Variants in SRGAP3 observed in about 807,000 individuals in gnomAD.
SRGAP3 encodes SLIT-ROBO Rho GTPase-activating protein 3.
SRGAP3 carries 39 observed loss-of-function variants against 121.1 expected under a neutral mutation model. The ratio of observed to expected loss-of-function variants is 0.32; its 90% CI spans 0.25 to 0.42. The LOEUF (loss-of-function observed/expected upper bound fraction) is 0.42. Ranked by LOEUF, SRGAP3 falls within the 10% of genes least tolerant of loss-of-function variation. SRGAP3 has a pLI of 1.00. For missense variants in SRGAP3, 1,213 were observed against 1,470.6 expected (o/e 0.82, Z 2.86); for synonymous variants, 601 against 570.0 (o/e 1.05, Z -0.77).
intron 3 of SRGAP3, among the ~76,000 whole-genome samples, chr3:9,099,301 C>A (rs1948114047): frequency 6.6e-6 from 1 of 152,234 alleles, no homozygotes; most frequent in Non-Finnish European, 1.5e-5. Context: ...CTCATTAGTG[C>A]TTCCTCCCAA....
chr3:9,185,038 C>G (rs1285772579), intron 1 of SRGAP3, among the ~76,000 whole-genome samples: 1 of 152,132 alleles, frequency 6.6e-6, no homozygotes, highest in Non-Finnish European at 1.5e-5. Flanking sequence ...CCAGCCTGGC[C>G]AACATGGTGA....
At chr3:9,273,085 T>G (rs1954510460) in intron 3 of SRGAP3, among the ~76,000 whole-genome samples, 1 of 152,196 alleles carries the variant, frequency 6.6e-6, no homozygotes, top group African/African-American at 2.4e-5. Context: ...GGTTTTGGGA[T>G]TAAACTGTTC....
chr3:9,285,732 A>G (rs73122702), intron 3 of SRGAP3, among the ~76,000 whole-genome samples: 9,973 of 151,596 alleles, frequency 0.066, 1,090 homozygotes, highest in African/African-American at 0.22. Flanking sequence ...GGAGTTATTC[A>G]AAGTCCAGCC....
chr3:9,016,034 T>G (rs551716005), intron 14 of SRGAP3: 18 of 420,432 alleles, frequency 4.3e-5, no homozygotes, highest in African/African-American at 2.8e-4. Flanking sequence ...TTATTGTTGC[T>G]CCACTATTTG....
intron 2 of SRGAP3, among the ~76,000 whole-genome samples, chr3:9,110,937 G>A (rs922779892): frequency 7.2e-5 from 11 of 152,256 alleles, no homozygotes; most frequent in East Asian, 1.9e-4. Flanking sequence ...GTTCACCGGC[G>A]TCTGCCATGC....
At chr3:9,299,515 T>G (rs1955012821) in intron 3 of SRGAP3, among the ~76,000 whole-genome samples, 2 of 152,212 alleles carry the variant, frequency 1.3e-5, no homozygotes, top group South Asian at 2.1e-4. Context: ...CACAGAATCA[T>G]GAGCTATCAT....
At chr3:9,166,475 T>C (rs1288961064) in intron 1 of SRGAP3, among the ~76,000 whole-genome samples, 1 of 152,112 alleles carries the variant, frequency 6.6e-6, no homozygotes, top group Non-Finnish European at 1.5e-5. Context: ...AGGATGCCCA[T>C]GTGACTAAGA....
At chr3:9,206,087 A>G (rs774405858) in intron 1 of SRGAP3, among the ~76,000 whole-genome samples, 1 of 152,232 alleles carries the variant, frequency 6.6e-6, no homozygotes, top group Non-Finnish European at 1.5e-5. Context: ...ACTCAATCCC[A>G]ATGAACATAC....
chr3:9,068,067 T>C (rs1195715742), intron 4 of SRGAP3, among the ~76,000 whole-genome samples: 2 of 152,182 alleles, frequency 1.3e-5, no homozygotes, highest in South Asian at 2.1e-4. Context: ...CCTGGGTTCT[T>C]TGCCTCACCA....
At position 9,249,590 on chromosome 3, in the gene SRGAP3, C is replaced by A. The variant is rs2125249402; in HGVS notation, c.-639G>T. On this transcript the variant is annotated 5_prime_UTR_variant, in exon 1 of 22. Transcript: ENST00000383836. ...CCAGTGAGGATCAAAGCCAGGAGAGCGAGATGGAAGTTTTCCTGCTGCAAC... is the reference window on the plus strand; with the variant it reads ...CCAGTGAGGATCAAAGCCAGGAGAGAGAGATGGAAGTTTTCCTGCTGCAAC... 4.2e-6 allele frequency: 1 copy of A among 236,514 alleles called. No individual in the cohort carries two copies. The highest frequency in any genetic ancestry group is 6.0e-5 in the East Asian group (1 of 16,618). 14.7% of individuals were successfully genotyped at this position (236,514 alleles called of 1,614,324 possible).
chr3:9,102,145 G>A (rs1354379776), intron 3 of SRGAP3, among the ~76,000 whole-genome samples: 1 of 152,172 alleles, frequency 6.6e-6, no homozygotes, highest in East Asian at 1.9e-4. Flanking sequence ...TCAGACATGG[G>A]GAGTGGTTTC....
chr3:9,234,631 T>A (rs1033315744), intron 1 of SRGAP3, among the ~76,000 whole-genome samples: 1 of 152,100 alleles, frequency 6.6e-6, no homozygotes, highest in African/African-American at 2.4e-5. Context: ...GTCTTTCTAT[T>A]TGACAAATGG....
chr3:9,293,534 T>G (rs1209362371), intron 3 of SRGAP3, among the ~76,000 whole-genome samples: 1 of 151,990 alleles, frequency 6.6e-6, no homozygotes, highest in Non-Finnish European at 1.5e-5. Flanking sequence ...AAAGAAACTA[T>G]CAACAGAGTA....
In SRGAP3 at chr3:9,109,597, C is replaced by A. The variant is rs1264672548; in HGVS notation, c.261-4755G>T. ...TGCAGGAGCAACCAAGGCTGCAAGA[C>A]CCTGCCCTGCAAGTCTTCCACTTGA... On this transcript the variant is annotated intron_variant, in intron 2 of 21. Coordinates refer to ENST00000383836, the MANE Select transcript of SRGAP3 (RefSeq NM_014850.4). This position sits in a 1 kb window ranked among gnomAD's most constrained non-coding sequence, Gnocchi z 4.4. 6.6e-6 allele frequency among the ~76,000 whole-genome samples: 1 copy of A among 152,134 alleles called. No individual in the cohort carries two copies. The highest frequency in any genetic ancestry group is 2.4e-5 in the African/African-American group (1 of 41,426).
At position 9,123,514 on chromosome 3, in the gene SRGAP3, C is replaced by T. The variant is rs184796109; in HGVS notation, c.260+1211G>A. ...TTGATGTCAGGAGTTCAAGACCAGC[C>T]TGGCCAACATGGTGAAACCCCATCT... On this transcript the variant is annotated intron_variant, in intron 2 of 21. Coordinates refer to ENST00000383836, the MANE Select transcript of SRGAP3 (RefSeq NM_014850.4). Among the ~76,000 whole-genome samples the T allele has an allele frequency of 1.7e-3, 259 of 151,964 alleles. 2 individuals are homozygous for T. Among genetic ancestry groups the T allele is most frequent in the Non-Finnish European group, 6.3e-4 (43 of 67,988 alleles).
chr3:9,122,647 T>A (rs1476887232), intron 2 of SRGAP3, among the ~76,000 whole-genome samples: 2 of 148,376 alleles, frequency 1.3e-5, no homozygotes, highest in Non-Finnish European at 3.0e-5. Flanking sequence ...AGGCGGAGCT[T>A]GCAGTGAGCC....
intron 3 of SRGAP3, among the ~76,000 whole-genome samples, chr3:9,266,340 C>T (rs986017774): frequency 1.3e-5 from 2 of 151,830 alleles, no homozygotes; most frequent in Non-Finnish European, 2.9e-5. Context: ...CCTGCATGTT[C>T]TGCACATGTA....
At chr3:9,005,378 A>C (rs998028738) in intron 18 of SRGAP3, among the ~76,000 whole-genome samples, 2 of 152,216 alleles carry the variant, frequency 1.3e-5, no homozygotes, top group African/African-American at 4.8e-5. Flanking sequence ...CAGTTCCTTA[A>C]ATGACTGACA....
intron 1 of SRGAP3, among the ~76,000 whole-genome samples, chr3:9,132,091 T>G (rs1949476490): frequency 6.6e-6 from 1 of 152,182 alleles, no homozygotes; most frequent in South Asian, 2.1e-4. Context: ...CAGTCTTTTT[T>G]TTTAATTAAT....
Sources: gnomAD v4.1 joint callset for allele counts (sites outside exome capture counted in the v4.1 genomes callset) on GRCh38, gnomAD v4.1.1 for gene constraint, Gnocchi (gnomAD v3.1) non-coding constraint, MANE v1.5 for transcripts, NCBI Gene and HGNC (gene_info 2026-07-23, HGNC 2026-07-21) for gene names.